Variants in CORIN observed in about 807,000 individuals in gnomAD.
CORIN encodes the protein atrial natriuretic peptide-converting enzyme.
CORIN carries 117 observed loss-of-function variants against 125.3 expected under a neutral mutation model. The ratio of observed to expected loss-of-function variants is 0.93; its 90% CI spans 0.80 to 1.09. CORIN has a LOEUF of 1.09. CORIN is among the 50% of genes least tolerant of loss of function. CORIN has a pLI of 0.00. For synonymous variants in CORIN, 450 were observed against 466.4 expected, an observed-to-expected ratio of 0.96 and a Z score of 0.45; for missense variants, 1,253 against 1,306.7, an observed-to-expected ratio of 0.96 and a Z score of 0.63.
intron 19 of CORIN, among the ~76,000 whole-genome samples, chr4:47,623,094 C>CTATATATATA (rs1422298384): frequency 3.3e-4 from 33 of 101,452 alleles, no homozygotes; most frequent in East Asian, 1.3e-3. Flanking sequence ...CTCTCTCTCT[C>CTATATATATA]TCTATATATA....
intron 5 of CORIN, among the ~76,000 whole-genome samples, chr4:47,742,483 A>G (rs558976216): frequency 2.4e-4 from 36 of 152,176 alleles, no homozygotes; most frequent in Middle Eastern, 6.9e-3. Flanking sequence ...TTAAAAATAT[A>G]TAATTTACAA....
At chr4:47,756,725 A>G (rs1729165165) in intron 4 of CORIN, among the ~76,000 whole-genome samples, 1 of 152,236 alleles carries the variant, frequency 6.6e-6, no homozygotes, top group South Asian at 2.1e-4. Flanking sequence ...TCAGAGGGAA[A>G]AACAAATAAC....
intron 13 of CORIN, among the ~76,000 whole-genome samples, chr4:47,650,371 C>A (rs1385454530): frequency 2.0e-5 from 3 of 152,164 alleles, no homozygotes; most frequent in Non-Finnish European, 2.9e-5. Context: ...TTTTGACAGT[C>A]GATATAAAGC....
intron 5 of CORIN, among the ~76,000 whole-genome samples, chr4:47,722,632 A>G (rs918171790): frequency 6.6e-6 from 1 of 152,212 alleles, no homozygotes; most frequent in South Asian, 2.1e-4. Flanking sequence ...AAACCCCGAA[A>G]GCAGAGGACC....
rs1401755372 is a variant in CORIN at position 47,677,926 on chromosome 4, G to C, written c.1249+12C>G. 1 of 1,573,930 alleles carries C rather than the reference G, an allele frequency of 6.4e-7. No homozygotes were observed. Among genetic ancestry groups the C allele is most frequent in the South Asian group, 1.1e-5 (1 of 90,184 alleles). On this transcript the variant is annotated intron_variant, in intron 9 of 21. Transcript: ENST00000273857. ...AGTAAAGGAATGTTCTGGGGTGGTGGGACACACTTACTGACGCTGCAGTTC... is the reference window on the plus strand; with the variant it reads ...AGTAAAGGAATGTTCTGGGGTGGTGCGACACACTTACTGACGCTGCAGTTC...
intron 5 of CORIN, among the ~76,000 whole-genome samples, chr4:47,741,614 A>C (rs544854543): frequency 1.7e-4 from 26 of 152,216 alleles, no homozygotes; most frequent in Admixed American, 1.4e-3. Context: ...AATATTATAC[A>C]GACAGCATTA....
At chr4:47,702,769 A>C (rs1361088024) in intron 5 of CORIN, among the ~76,000 whole-genome samples, 3 of 152,210 alleles carry the variant, frequency 2.0e-5, no homozygotes, top group Non-Finnish European at 2.9e-5. Flanking sequence ...AGAACTTTGA[A>C]AAATATCTTT....
intron 6 of CORIN, among the ~76,000 whole-genome samples, chr4:47,691,440 G>A (rs899907766): frequency 3.3e-5 from 5 of 152,138 alleles, no homozygotes; most frequent in African/African-American, 4.8e-5. Context: ...TGTGCCATGC[G>A]TTGTTTTGAA....
intron 3 of CORIN, among the ~76,000 whole-genome samples, chr4:47,777,077 A>G (rs549921416): frequency 6.6e-6 from 1 of 152,336 alleles, no homozygotes; most frequent in Admixed American, 6.5e-5. Flanking sequence ...GAATATGTTC[A>G]TGTTGCAAGG....
chr4:47,719,257 T>C (rs6858711), intron 5 of CORIN, among the ~76,000 whole-genome samples: 14,963 of 152,236 alleles, frequency 0.098, 866 homozygotes, highest in East Asian at 0.27. Context: ...CCTTTTGCTC[T>C]TCCCAGTGAA....
rs549793275 is a variant in CORIN at position 47,641,671 on chromosome 4, G to T, written c.2198+249C>A. On this transcript the variant is annotated intron_variant, in intron 16 of 21. Transcript: ENST00000273857. ...TTATAAATAATGAAAGCATTTCATT[G>T]CAGAAGTACTTAAAATACAATTACT... Among the ~76,000 whole-genome samples, 6 of 152,250 alleles carry T rather than the reference G, an allele frequency of 3.9e-5. No homozygotes were observed. The South Asian group carries it at 1.2e-3, about 32-fold the overall frequency.
chr4:47,828,985 C>T (rs1034429197), intron 1 of CORIN, among the ~76,000 whole-genome samples: 2 of 151,688 alleles, frequency 1.3e-5, no homozygotes, highest in Admixed American at 6.6e-5. Context: ...GGTGAAACCC[C>T]GTCTCCACTA....
At chr4:47,814,450 C>A (rs1264152285) in intron 1 of CORIN, among the ~76,000 whole-genome samples, 1 of 152,124 alleles carries the variant, frequency 6.6e-6, no homozygotes, top group Non-Finnish European at 1.5e-5. Flanking sequence ...TCAATTGTTA[C>A]CCCCTCATTT....
intron 16 of CORIN, among the ~76,000 whole-genome samples, chr4:47,636,573 G>A (rs1220862908): frequency 3.9e-5 from 6 of 152,246 alleles, no homozygotes; most frequent in Admixed American, 6.5e-5. Context: ...AATTATGGGG[G>A]TGGGTCTTCC....
intron 5 of CORIN, among the ~76,000 whole-genome samples, chr4:47,713,694 A>G (rs543224151): frequency 6.6e-6 from 1 of 152,204 alleles, no homozygotes; most frequent in African/African-American, 2.4e-5. Flanking sequence ...ACCAGTGCCC[A>G]TATCCCTGCA....
chr4:47,739,658 A>C (rs1430244885), intron 5 of CORIN, among the ~76,000 whole-genome samples: 1 of 151,450 alleles, frequency 6.6e-6, no homozygotes, highest in African/African-American at 2.4e-5. Context: ...GATAAAAGAA[A>C]TGTATTTTTT....
chr4:47,625,318 G>A (rs1228024785), intron 17 of CORIN, among the ~76,000 whole-genome samples: 2 of 152,012 alleles, frequency 1.3e-5, no homozygotes, highest in African/African-American at 4.8e-5. Flanking sequence ...AGTCATCAAA[G>A]ACTATTCATC....
At chr4:47,682,654 T>C (rs1217849096) in intron 7 of CORIN, 1 of 152,142 alleles carries the variant, frequency 6.6e-6, no homozygotes, top group East Asian at 1.9e-4. Flanking sequence ...AGGTGATGGA[T>C]ACACTAATTA....
chr4:47,820,171 A>G (rs1002493991), intron 1 of CORIN, among the ~76,000 whole-genome samples: 6 of 152,174 alleles, frequency 3.9e-5, no homozygotes, highest in Admixed American at 3.9e-4. Flanking sequence ...CAAAAGAAAG[A>G]GAGAGGAATT....
Sources: gnomAD v4.1 joint callset for allele counts (sites outside exome capture counted in the v4.1 genomes callset) on GRCh38, gnomAD v4.1.1 for gene constraint, MANE v1.5 for transcripts, NCBI Gene and HGNC (gene_info 2026-07-23, HGNC 2026-07-21) for gene names.